Variants in DIAPH3 observed in about 807,000 individuals in gnomAD.
DIAPH3 encodes diaphanous related formin 3.
Under a neutral mutation model 144.3 loss-of-function variants are expected in DIAPH3, and 117 were observed. The ratio of observed to expected loss-of-function variants is 0.81; its 90% CI spans 0.70 to 0.95. The LOEUF (loss-of-function observed/expected upper bound fraction) is 0.95, where lower values mean the gene tolerates loss of function less well. Ranked by LOEUF, DIAPH3 falls within the 40% of genes least tolerant of loss-of-function variation. The pLI, the probability that DIAPH3 is intolerant of heterozygous loss-of-function variation, is 0.00. For missense variants in DIAPH3, 1,421 were observed against 1,412.7 expected (o/e 1.01, Z -0.09); for synonymous variants, 519 against 488.9 (o/e 1.06, Z -0.81).
intron 21 of DIAPH3, among the ~76,000 whole-genome samples, chr13:59,867,072 T>C (rs1011038515): frequency 1.3e-5 from 2 of 148,170 alleles, no homozygotes; most frequent in African/African-American, 2.4e-5. Context: ...TTTATATATA[T>C]AAATATTTTT....
chr13:60,105,317 T>C (rs1230550537), intron 3 of DIAPH3, among the ~76,000 whole-genome samples: 1 of 152,068 alleles, frequency 6.6e-6, no homozygotes, highest in African/African-American at 2.4e-5. Flanking sequence ...TATACACAAA[T>C]AATTGCCTGC....
At chr13:59,887,779 T>C (rs2045546365) in intron 20 of DIAPH3, among the ~76,000 whole-genome samples, 1 of 152,140 alleles carries the variant, frequency 6.6e-6, no homozygotes, top group African/African-American at 2.4e-5. Context: ...ACACTTTTTC[T>C]AGAATTTATT....
chr13:60,108,033 C>T (rs2058467245), intron 3 of DIAPH3, among the ~76,000 whole-genome samples: 1 of 152,104 alleles, frequency 6.6e-6, no homozygotes, highest in African/African-American at 2.4e-5. Context: ...AAGCTAATCT[C>T]CATCTAAGTA....
chr13:59,781,833 G>A (rs997066662), intron 25 of DIAPH3, among the ~76,000 whole-genome samples: 1 of 152,150 alleles, frequency 6.6e-6, no homozygotes, highest in African/African-American at 2.4e-5. Flanking sequence ...GTCTTTATGA[G>A]GTGATTAGGT....
chr13:59,811,278 G>T (rs2040457911), intron 24 of DIAPH3, among the ~76,000 whole-genome samples: 1 of 151,904 alleles, frequency 6.6e-6, no homozygotes, highest in Non-Finnish European at 1.5e-5. Flanking sequence ...TCTAGCAACT[G>T]AATTAGGGTT....
At chr13:59,984,236 T>C (rs940682191) in intron 12 of DIAPH3, among the ~76,000 whole-genome samples, 21 of 151,680 alleles carry the variant, frequency 1.4e-4, no homozygotes, top group African/African-American at 3.4e-4. Context: ...CACACTGAAA[T>C]AGCTATCATT....
In DIAPH3 at chr13:60,075,027, A is replaced by G. The variant is rs182992090; in HGVS notation, c.495+18601T>C. 3.6e-3 allele frequency among the ~76,000 whole-genome samples: 546 copies of G among 152,304 alleles called. 2 individuals carry two copies. Among genetic ancestry groups the G allele is most frequent in the African/African-American group, 0.012 (479 of 41,564 alleles). ...AACCATTACATCAGTAGGGTATACA[A>G]GTTTTTATTTTGATAGATACTGACA... On this transcript the variant is annotated intron_variant, in intron 4 of 27. Transcript: ENST00000400324.
chr13:60,007,177 G>A lies in DIAPH3; in HGVS notation c.1014+1367C>T, dbSNP rs146242015. On this transcript the variant is annotated intron_variant, in intron 9 of 27. Coordinates refer to ENST00000400324, the MANE Select transcript of DIAPH3 (RefSeq NM_001042517.2). ...AGTGATTCTCCTGTTTTAGCCTCCT[G>A]AGTAGCTGGGATTACAGGCACCTGC... 9.4e-3 allele frequency among the ~76,000 whole-genome samples: 1,421 copies of A among 151,936 alleles called. 21 individuals are homozygous for A. The highest frequency in any genetic ancestry group is 0.033 in the African/African-American group (1,355 of 41,414).
intron 27 of DIAPH3, among the ~76,000 whole-genome samples, chr13:59,683,173 A>G (rs57371987): frequency 1.7e-3 from 266 of 152,294 alleles, no homozygotes; most frequent in Middle Eastern, 6.8e-3. Flanking sequence ...CCACATTCAT[A>G]TATCTATATC....
intron 4 of DIAPH3, among the ~76,000 whole-genome samples, chr13:60,048,019 A>T (rs550436539): frequency 3.3e-5 from 5 of 152,310 alleles, no homozygotes; most frequent in Non-Finnish European, 7.4e-5. Context: ...TTGGGTCCCT[A>T]ACCCACCCAG....
At chr13:60,021,450 C>T (rs890362707) in intron 5 of DIAPH3, among the ~76,000 whole-genome samples, 10 of 152,106 alleles carry the variant, frequency 6.6e-5, no homozygotes, top group African/African-American at 2.4e-4. Flanking sequence ...CACGGAGAAA[C>T]CCCGTTTCTA....
chr13:59,853,543 C>T (rs539272610), intron 22 of DIAPH3, among the ~76,000 whole-genome samples: 7 of 152,244 alleles, frequency 4.6e-5, no homozygotes, highest in South Asian at 4.1e-4. Context: ...GTAAGATGTG[C>T]GTGCTGCTCC....
chr13:60,112,127 G>A lies in DIAPH3; in HGVS notation c.273C>T (p.Pro91=), dbSNP rs769768786. Residue 91 remains proline, a synonymous_variant, in exon 3 of 28, where the codon CCC becomes CCT. Transcript: ENST00000400324. ...PGSKKERPPL[P]NLKTAFASSD... ...TGCTTGCAAATGCAGTCTTCAGGTT[G>A]GGAAGTGGAGGTCTCTCTTTCTTGC... 132 of 1,614,022 alleles carry A rather than the reference G, an allele frequency of 8.2e-5. No homozygotes were observed. The Admixed American group carries it at 1.7e-3, about 21-fold the overall frequency.
At chr13:59,915,514 C>T (rs1353713904) in intron 19 of DIAPH3, among the ~76,000 whole-genome samples, 1 of 152,062 alleles carries the variant, frequency 6.6e-6, no homozygotes, top group Non-Finnish European at 1.5e-5. Context: ...GATAATCTCT[C>T]ACTATATAAT....
chr13:60,040,978 TAA>T (rs2055622177), intron 5 of DIAPH3, among the ~76,000 whole-genome samples: 1 of 152,160 alleles, frequency 6.6e-6, no homozygotes, highest in Non-Finnish European at 1.5e-5. Context: ...CATGCCTGGC[TAA>T]TTTTTGTAAT....
chr13:60,007,799 C>T (rs1270552454), intron 9 of DIAPH3, among the ~76,000 whole-genome samples: 4 of 152,018 alleles, frequency 2.6e-5, no homozygotes, highest in African/African-American at 9.7e-5. Context: ...GTCTTTTTAG[C>T]AGTATTTTTG....
At chr13:59,877,461 G>T (rs138211527) in intron 21 of DIAPH3, among the ~76,000 whole-genome samples, 80 of 152,212 alleles carry the variant, frequency 5.3e-4, no homozygotes, top group Non-Finnish European at 1.1e-3. Context: ...ATGGTAATGT[G>T]CCATATATAT....
At chr13:60,042,060 C>G (rs971872600) in intron 5 of DIAPH3, among the ~76,000 whole-genome samples, 4 of 152,002 alleles carry the variant, frequency 2.6e-5, no homozygotes, top group Admixed American at 1.3e-4. Context: ...TATATTTACA[C>G]TGATTGTTCA....
At chr13:59,854,894 T>C (rs1369570434) in intron 22 of DIAPH3, among the ~76,000 whole-genome samples, 1 of 152,160 alleles carries the variant, frequency 6.6e-6, no homozygotes, top group Admixed American at 6.5e-5. Flanking sequence ...CAAAAAGATA[T>C]AGAGGTCTTC....
Sources: allele counts gnomAD v4.1 joint callset (sites outside exome capture counted in the v4.1 genomes callset), GRCh38; gene constraint gnomAD v4.1.1; transcripts MANE v1.5; gene names NCBI Gene and HGNC (gene_info 2026-07-23, HGNC 2026-07-21).